The following FUT8 variants were observed in gnomAD, a reference collection of about 807,000 sequenced individuals.
The protein encoded by FUT8 is fucosyltransferase 8.
In FUT8, 29 loss-of-function variants were observed where a neutral mutation model predicts 71.3. The ratio of observed to expected loss-of-function variants is 0.41; its 90% CI spans 0.30 to 0.55. FUT8 has a LOEUF of 0.55. FUT8 is among the 20% of genes least tolerant of loss of function. The pLI, the probability that FUT8 is intolerant of heterozygous loss-of-function variation, is 0.34. For missense variants in FUT8, 544 were observed against 702.1 expected (o/e 0.77, Z 2.55); for synonymous variants, 254 against 239.3 (o/e 1.06, Z -0.57).
At chr14:65,375,216 C>T in the FUT8 span, among the ~76,000 whole-genome samples, 1 of 152,160 alleles carries the variant, frequency 6.6e-6, no homozygotes, top group Admixed American at 6.6e-5. Flanking sequence ...AAATTATTTT[C>T]TGCCAACTCA....
At chr14:65,547,307 C>A (rs1418907853) in intron 2 of FUT8, among the ~76,000 whole-genome samples, 2 of 151,498 alleles carry the variant, frequency 1.3e-5, no homozygotes. Flanking sequence ...TACTTTTATA[C>A]CTCTTGAGGT....
At chr14:65,464,437 G>C (rs955476842) in intron 2 of FUT8, among the ~76,000 whole-genome samples, 1 of 152,064 alleles carries the variant, frequency 6.6e-6, no homozygotes, top group Admixed American at 6.6e-5. Context: ...CCTTGTTCCT[G>C]ATCCTACGGG....
chr14:65,438,693 C>T (rs79567458), intron 1 of FUT8, among the ~76,000 whole-genome samples: 2,374 of 152,218 alleles, frequency 0.016, 19 homozygotes, highest in South Asian at 0.024. Context: ...ATTGCTGAAC[C>T]CACGATCCTT....
rs1483974683 is a variant in FUT8, at chr14:65,467,527, A to G, written c.-228+11809A>G. 1.3e-5 allele frequency among the ~76,000 whole-genome samples: 2 copies of G among 151,814 alleles called. No individual in the cohort carries two copies. Among genetic ancestry groups the G allele is most frequent in the East Asian group, 1.9e-4 (1 of 5,182 alleles). On this transcript the variant is annotated intron_variant, in intron 2 of 10. Coordinates refer to ENST00000673929, the MANE Select transcript of FUT8 (RefSeq NM_001371533.1). The surrounding 1 kb of genome is among the most constrained non-coding windows in gnomAD (Gnocchi z 4.1). ...AGTCTCACACTGTCGCCCGGGCTGG[A>G]GTGCAGTGGTGTGATCTTGGCTCAC... is the stretch of plus-strand genomic sequence containing the variant.
intron 2 of FUT8, among the ~76,000 whole-genome samples, chr14:65,487,076 T>C (rs892659284): frequency 2.0e-5 from 3 of 152,104 alleles, no homozygotes; most frequent in Admixed American, 1.3e-4. Flanking sequence ...AAGATTATGT[T>C]AGAAAATAGT....
chr14:65,491,728 A>G (rs909456426), intron 2 of FUT8, among the ~76,000 whole-genome samples: 1 of 152,176 alleles, frequency 6.6e-6, no homozygotes, highest in Non-Finnish European at 1.5e-5. Context: ...TATGTGAGGA[A>G]AAAGGAATTA....
At chr14:65,447,206 C>T (rs987404856) in intron 1 of FUT8, among the ~76,000 whole-genome samples, 10 of 151,158 alleles carry the variant, frequency 6.6e-5, no homozygotes, top group African/African-American at 9.7e-5. Context: ...AGGCAGAAGT[C>T]GCTTGCTCCT....
intron 2 of FUT8, among the ~76,000 whole-genome samples, chr14:65,484,350 C>T (rs924285088): frequency 6.6e-6 from 1 of 152,152 alleles, no homozygotes; most frequent in Admixed American, 6.5e-5. Flanking sequence ...TATTCTCTCA[C>T]AATTAAGTAT....
intron 3 of FUT8, among the ~76,000 whole-genome samples, chr14:65,604,054 G>GT (rs1391574585): frequency 6.6e-6 from 1 of 151,756 alleles, no homozygotes; most frequent in East Asian, 1.9e-4. Flanking sequence ...ACAAGGCCTT[G>GT]TAACAATCCT....
At chr14:65,482,326 C>G (rs543799301) in intron 2 of FUT8, among the ~76,000 whole-genome samples, 94 of 151,254 alleles carry the variant, frequency 6.2e-4, no homozygotes, top group Non-Finnish European at 1.2e-3. Context: ...ACCTCTTTGT[C>G]TTTCTTTTTT....
intron 3 of FUT8, among the ~76,000 whole-genome samples, chr14:65,583,088 A>G (rs1000549491): frequency 8.5e-5 from 13 of 152,304 alleles, no homozygotes; most frequent in Middle Eastern, 3.4e-3. Flanking sequence ...TTTAGATGCC[A>G]TCTTTTTTTA....
intron 6 of FUT8, among the ~76,000 whole-genome samples, chr14:65,634,047 C>T (rs894686985): frequency 6.6e-6 from 1 of 151,908 alleles, no homozygotes; most frequent in African/African-American, 2.4e-5. Context: ...CCGGCCACCA[C>T]CCGGTCTGGG....
At chr14:65,728,208 TATCTTTTCAGCAGCACTCC>T (rs1895784725) in intron 9 of FUT8, among the ~76,000 whole-genome samples, 1 of 152,228 alleles carries the variant, frequency 6.6e-6, no homozygotes, top group African/African-American at 2.4e-5. Flanking sequence ...CATTTTCAGG[TATCTTTTCAGCAGCACTCC>T]ACTTCTTGTA....
chr14:65,740,897 A>G (rs1896466050), intron 10 of FUT8, among the ~76,000 whole-genome samples: 1 of 151,988 alleles, frequency 6.6e-6, no homozygotes, highest in Non-Finnish European at 1.5e-5. Flanking sequence ...ATCTTCATAA[A>G]TGCCAAGGTT....
At chr14:65,441,514 G>T (rs1236086058) in intron 1 of FUT8, among the ~76,000 whole-genome samples, 1 of 151,986 alleles carries the variant, frequency 6.6e-6, no homozygotes, top group Non-Finnish European at 1.5e-5. Context: ...GCCAAGGCAG[G>T]TTAATCACCT....
intron 3 of FUT8, among the ~76,000 whole-genome samples, chr14:65,583,387 GTC>G (rs959865687): frequency 6.6e-6 from 1 of 151,952 alleles, no homozygotes; most frequent in Non-Finnish European, 1.5e-5. Context: ...TGTTGTTGTT[GTC>G]CAGCCATAGA....
At chr14:65,417,539 A>G (rs1366159345) in intron 1 of FUT8, among the ~76,000 whole-genome samples, 2 of 152,200 alleles carry the variant, frequency 1.3e-5, no homozygotes, top group Non-Finnish European at 2.9e-5. Flanking sequence ...GTATTTGTCA[A>G]TATAAGGGTT....
intron 3 of FUT8, among the ~76,000 whole-genome samples, chr14:65,595,606 T>C (rs1252091772): frequency 1.3e-4 from 17 of 131,164 alleles, no homozygotes; most frequent in African/African-American, 4.7e-4. Context: ...CATTCTCTTT[T>C]TTTTTTTTTT....
At chr14:65,435,741 C>G (rs529848625) in intron 1 of FUT8, among the ~76,000 whole-genome samples, 1 of 151,222 alleles carries the variant, frequency 6.6e-6, no homozygotes, top group African/African-American at 2.4e-5. Flanking sequence ...TTTGAGAGTT[C>G]CAGTTGCTCT....
Sources: gnomAD v4.1 joint callset for allele counts (sites outside exome capture counted in the v4.1 genomes callset) on GRCh38, gnomAD v4.1.1 for gene constraint, Gnocchi (gnomAD v3.1) non-coding constraint, MANE v1.5 for transcripts, NCBI Gene and HGNC (gene_info 2026-07-23, HGNC 2026-07-21) for gene names.